Variants in SHISA9 observed in about 807,000 individuals in gnomAD.
The protein encoded by SHISA9 is protein shisa-9.
In SHISA9, 13 loss-of-function variants were observed where a neutral mutation model predicts 38.0. The ratio of observed to expected loss-of-function variants is 0.34; its 90% CI spans 0.22 to 0.54. The LOEUF (loss-of-function observed/expected upper bound fraction) is 0.54, where lower values mean the gene tolerates loss of function less well. Among genes scored for constraint, SHISA9 ranks in the 20% least tolerant of loss-of-function variants. The pLI, the probability that SHISA9 is intolerant of heterozygous loss-of-function variation, is 0.91. For missense variants in SHISA9, 538 were observed against 575.8 expected (o/e 0.93, Z 0.67); for synonymous variants, 275 against 242.0 (o/e 1.14, Z -1.27).
the SHISA9 span, among the ~76,000 whole-genome samples, chr16:13,282,961 GT>G: frequency 2.0e-5 from 3 of 151,690 alleles, no homozygotes; most frequent in South Asian, 2.1e-4. Flanking sequence ...GAAAATCTTT[GT>G]CTGCTTAGCG....
intron 2 of SHISA9, among the ~76,000 whole-genome samples, chr16:13,119,534 ACCAT>A (rs2074064749): frequency 6.6e-6 from 1 of 152,220 alleles, no homozygotes. Flanking sequence ...ATATTAATAA[ACCAT>A]CCAATAACTA....
intron 2 of SHISA9, among the ~76,000 whole-genome samples, chr16:13,047,344 A>T (rs539503325): frequency 6.6e-6 from 1 of 152,094 alleles, no homozygotes; most frequent in East Asian, 1.9e-4. Flanking sequence ...AAAAAAGATC[A>T]GGAAAATTCC....
intron 2 of SHISA9, among the ~76,000 whole-genome samples, chr16:12,985,606 T>C (rs905058): frequency 0.34 from 52,037 of 151,978 alleles, 9,207 homozygotes; most frequent in African/African-American, 0.4. Flanking sequence ...TAATGTTGAG[T>C]ACCAGAAGAG....
chr16:13,533,781 A>T, the SHISA9 span, among the ~76,000 whole-genome samples: 37 of 128,168 alleles, frequency 2.9e-4, 3 homozygotes, highest in African/African-American at 1.0e-3. Context: ...ATAACTCTCA[A>T]TTTTTTTTTT....
the SHISA9 span, among the ~76,000 whole-genome samples, chr16:13,306,445 G>C: frequency 6.6e-6 from 1 of 152,162 alleles, no homozygotes; most frequent in Non-Finnish European, 1.5e-5. Context: ...AGGAGAGAGA[G>C]GGAGAGAGAA....
At chr16:12,986,281 C>T (rs1011334935) in intron 2 of SHISA9, among the ~76,000 whole-genome samples, 1 of 152,168 alleles carries the variant, frequency 6.6e-6, no homozygotes, top group African/African-American at 2.4e-5. Context: ...GGGTCTCCCT[C>T]TTTCTTTTCC....
chr16:13,098,087 G>C (rs2073844695), intron 2 of SHISA9, among the ~76,000 whole-genome samples: 1 of 152,168 alleles, frequency 6.6e-6, no homozygotes, highest in South Asian at 2.1e-4. Flanking sequence ...AGAAACGGAG[G>C]GTCAGAGAGA....
the SHISA9 span, among the ~76,000 whole-genome samples, chr16:13,277,976 G>A: frequency 6.6e-6 from 1 of 151,924 alleles, no homozygotes; most frequent in African/African-American, 2.4e-5. Flanking sequence ...GTGAGAGTGG[G>A]CCTCCTTGTC....
chr16:13,253,619 T>C, the SHISA9 span, among the ~76,000 whole-genome samples: 1 of 152,160 alleles, frequency 6.6e-6, no homozygotes, highest in Non-Finnish European at 1.5e-5. Flanking sequence ...GTGAGACTTA[T>C]TCACTATGGC....
chr16:12,976,808 G>T (rs754958844), intron 2 of SHISA9, among the ~76,000 whole-genome samples: 9 of 152,094 alleles, frequency 5.9e-5, no homozygotes, highest in Non-Finnish European at 1.3e-4. Context: ...TGCCTGGAAT[G>T]TCACCCCAAG....
At position 13,140,404 on chromosome 16, in the gene SHISA9, T is replaced by A. The variant is rs544811736; in HGVS notation, c.692-62990T>A. Among the ~76,000 whole-genome samples, 113 of 152,168 alleles carry A rather than the reference T, an allele frequency of 7.4e-4. 1 individual carries two copies. Among genetic ancestry groups the A allele is most frequent in the Admixed American group, 7.3e-3 (111 of 15,292 alleles). On this transcript the variant is annotated intron_variant, in intron 2 of 4. Transcript: ENST00000558583. The stretch of plus-strand genomic sequence containing the variant: ...GTTGGCCAGGCTGGTCTCAAACTCC[T>A]GACCTCAGGTGATCCACCTGCCTTG...
At chr16:12,998,779 T>C (rs1040806113) in intron 2 of SHISA9, among the ~76,000 whole-genome samples, 3 of 152,226 alleles carry the variant, frequency 2.0e-5, no homozygotes, top group African/African-American at 7.2e-5. Context: ...TTTTAAGTAG[T>C]TGGATTCAAA....
At chr16:13,178,337 T>C (rs2050749183) in intron 2 of SHISA9, among the ~76,000 whole-genome samples, 1 of 151,830 alleles carries the variant, frequency 6.6e-6, no homozygotes, top group East Asian at 1.9e-4. Context: ...TTTTTTTTTT[T>C]TTTCTTTTCA....
At chr16:13,557,028 T>C in the SHISA9 span, among the ~76,000 whole-genome samples, 8 of 152,200 alleles carry the variant, frequency 5.3e-5, no homozygotes, top group Non-Finnish European at 8.8e-5. Context: ...TGTAACTTTC[T>C]TGGGAGTGTA....
intron 2 of SHISA9, among the ~76,000 whole-genome samples, chr16:13,064,362 G>GTAGA (rs2073409841): frequency 6.6e-6 from 1 of 152,166 alleles, no homozygotes; most frequent in African/African-American, 2.4e-5. Context: ...TCTTCCTATT[G>GTAGA]TAGAGGTAGA....
chr16:13,071,969 G>A (rs943438719), intron 2 of SHISA9, among the ~76,000 whole-genome samples: 4 of 152,068 alleles, frequency 2.6e-5, no homozygotes, highest in African/African-American at 4.8e-5. Flanking sequence ...TCTGACACCC[G>A]CTCTTCCCAA....
At chr16:12,961,671 A>G (rs1476819832) in intron 2 of SHISA9, among the ~76,000 whole-genome samples, 1 of 152,194 alleles carries the variant, frequency 6.6e-6, no homozygotes, top group Non-Finnish European at 1.5e-5. Flanking sequence ...ATCATATATT[A>G]CAAAATGTTA....
chr16:13,198,728 T>C (rs2142049547), intron 2 of SHISA9, among the ~76,000 whole-genome samples: 1 of 152,366 alleles, frequency 6.6e-6, no homozygotes, highest in South Asian at 2.1e-4. Context: ...TTAATAAATT[T>C]TGTTTGTTGC....
At chr16:13,330,386 C>T in the SHISA9 span, among the ~76,000 whole-genome samples, 1 of 152,104 alleles carries the variant, frequency 6.6e-6, no homozygotes, top group Non-Finnish European at 1.5e-5. Flanking sequence ...ATAATACCTG[C>T]CAATGATTTA....
Sources: gnomAD v4.1 joint callset for allele counts (sites outside exome capture counted in the v4.1 genomes callset) on GRCh38, gnomAD v4.1.1 for gene constraint, MANE v1.5 for transcripts, NCBI Gene and HGNC (gene_info 2026-07-23, HGNC 2026-07-21) for gene names.